Variants in CLN6 observed in about 807,000 individuals in gnomAD.
CLN6 encodes the protein ceroid-lipofuscinosis neuronal protein 6.
A neutral mutation model predicts 33.3 loss-of-function variants in CLN6; 22 were observed. That is an observed-to-expected ratio of 0.66 (90% confidence interval 0.47 to 0.94). CLN6 has a LOEUF of 0.94. Ranked by LOEUF, CLN6 falls within the 40% of genes least tolerant of loss-of-function variation. The pLI is 0.00. For missense variants in CLN6, 387 were observed against 417.1 expected, an observed-to-expected ratio of 0.93 and a Z score of 0.63; for synonymous variants, 201 against 174.6, an observed-to-expected ratio of 1.15 and a Z score of -1.19.
chr15:68,228,225 G>A lies in CLN6; in HGVS notation c.83+1277C>T, dbSNP rs2093257918. Among the ~76,000 whole-genome samples, 1 of 152,170 alleles carries A rather than the reference G, an allele frequency of 6.6e-6. No homozygotes were observed. Among genetic ancestry groups the A allele is most frequent in the Admixed American group, 6.5e-5 (1 of 15,276 alleles). On this transcript the variant is annotated intron_variant, in intron 1 of 6. Transcript: ENST00000249806. The surrounding 1 kb of genome is among the most constrained non-coding windows in gnomAD (Gnocchi z 4.4). ...CCCGCATGTCCGCAGCAGCAGAAACGAGCCATCCCTCACCTCAGCCCAAGC... is the reference window on the plus strand; with the variant it reads ...CCCGCATGTCCGCAGCAGCAGAAACAAGCCATCCCTCACCTCAGCCCAAGC...
rs760292374 is a variant in CLN6 at position 68,211,886 on chromosome 15, C to G, written c.298-23G>C. ...GAGCTGGGGTTCAGAGTGGGGTTGG[C>G]AGCATGACCCCACCTCTGTCACAGT... On this transcript the variant is annotated intron_variant, in intron 3 of 6. Coordinates refer to ENST00000249806, the MANE Select transcript of CLN6 (RefSeq NM_017882.3). The surrounding 1 kb of genome is among the most constrained non-coding windows in gnomAD (Gnocchi z 5.9). 1 of 1,610,728 alleles carries G rather than the reference C, an allele frequency of 6.2e-7. No individual in the cohort carries two copies. Among genetic ancestry groups the G allele is most frequent in the Non-Finnish European group, 8.5e-7 (1 of 1,178,510 alleles).
At chr15:68,253,653 A>T (rs1474034625) in intron 1 of CLN6, among the ~76,000 whole-genome samples, 1 of 152,276 alleles carries the variant, frequency 6.6e-6, no homozygotes, top group Admixed American at 6.5e-5. Flanking sequence ...TGCAATAGTC[A>T]TCAAAATCAC....
chr15:68,235,138 G>A (rs1892206332), intron 1 of CLN6, among the ~76,000 whole-genome samples: 1 of 152,172 alleles, frequency 6.6e-6, no homozygotes, highest in Admixed American at 6.6e-5. Flanking sequence ...AATCCTCACA[G>A]TAGCCCTAAG....
Position 68,208,171 on chromosome 15 carries a change from A to T in CLN6, c.905T>A (p.Phe302Tyr). 1 of 1,501,160 alleles carries T rather than the reference A, an allele frequency of 6.7e-7. No homozygotes were observed. 93.0% of individuals were successfully genotyped at this position (1,501,160 alleles called of 1,614,324 possible). ...CCGACTGCTGACGTGAAGGGTGTAG[A>T]AAGCCCAGGGCTCAGGGACGTAGAT... ...GVIYVPEPWA[F>Y]YTLHVSSRH The change falls in exon 7 of 7, where the codon TTC (phenylalanine) becomes TAC (tyrosine). Residue 302 changes from phenylalanine (F) to tyrosine (Y), a missense_variant. Transcript: ENST00000249806. The surrounding 1 kb of genome is among the most constrained non-coding windows in gnomAD (Gnocchi z 5.8).
At chr15:68,232,871 G>C (rs2093270244), upstream of CLN6, among the ~76,000 whole-genome samples, 1 of 152,082 alleles carries the variant, frequency 6.6e-6, no homozygotes, top group East Asian at 1.9e-4. This position sits in a 1 kb window ranked among gnomAD's most constrained non-coding sequence, Gnocchi z 4.7. Context: ...GTGAAACCCT[G>C]TCTCTACTAA....
Position 68,234,743 on chromosome 15 carries a change from G to A in CLN6, c.180-16093C>T, listed in dbSNP as rs536087991. Among the ~76,000 whole-genome samples, 71 of 152,268 alleles carry A rather than the reference G, an allele frequency of 4.7e-4. No homozygotes were observed. Among genetic ancestry groups the A allele is most frequent in the African/African-American group, 1.5e-3 (64 of 41,574 alleles). On this transcript the variant is annotated intron_variant, in intron 1 of 6. Coordinates refer to the CLN6 transcript ENST00000538696. This position sits in a 1 kb window ranked among gnomAD's most constrained non-coding sequence, Gnocchi z 4.1. ...TCTTAACAGTTGACAAAGGCCGGGCGCGGTGGCTCACGCATGTAATCCCAG... is the reference window on the plus strand; with the variant it reads ...TCTTAACAGTTGACAAAGGCCGGGCACGGTGGCTCACGCATGTAATCCCAG...
chr15:68,231,843 C>T (rs751171639), upstream of CLN6, among the ~76,000 whole-genome samples: 4 of 152,216 alleles, frequency 2.6e-5, no homozygotes, highest in Non-Finnish European at 5.9e-5. Flanking sequence ...TTATCAGCCC[C>T]CTCTCTTTCC....
chr15:68,229,458 C>T (rs1337779154), intron 1 of CLN6, 44 bp downstream of exon 1: 4 of 1,401,610 alleles, frequency 2.9e-6, no homozygotes, highest in Non-Finnish European at 3.8e-6. Flanking sequence ...GAGGCCCCAG[C>T]GCACAGGCGC....
intron 1 of CLN6, among the ~76,000 whole-genome samples, chr15:68,255,309 C>A (rs961135511): frequency 1.1e-3 from 13 of 11,930 alleles, no homozygotes; most frequent in African/African-American, 1.1e-3. Context: ...TGGACCTGAC[C>A]CCCCCCAATA....
At chr15:68,250,704 C>T (rs1892370944) in intron 1 of CLN6, among the ~76,000 whole-genome samples, 1 of 151,464 alleles carries the variant, frequency 6.6e-6, no homozygotes, top group Admixed American at 6.6e-5. Flanking sequence ...CAAATGATAC[C>T]AAACATCATA....
In CLN6 at chr15:68,246,010, A is replaced by G. The variant is rs1892326424; in HGVS notation, c.179+10680T>C. Among the ~76,000 whole-genome samples, 1 of 152,212 alleles carries G rather than the reference A, an allele frequency of 6.6e-6. No homozygotes were observed. The highest frequency in any genetic ancestry group is 1.5e-5 in the Non-Finnish European group (1 of 68,046). On this transcript the variant is annotated intron_variant, in intron 1 of 6. Transcript: ENST00000538696. The surrounding 1 kb of genome is among the most constrained non-coding windows in gnomAD (Gnocchi z 4.5). ...ATGATAAAGGGGTCAGTTTAGCAAG[A>G]GGATATAACAATTATAAGTATCTAT...
intron 1 of CLN6, among the ~76,000 whole-genome samples, chr15:68,235,872 C>G (rs1229722263): frequency 6.6e-6 from 1 of 152,032 alleles, no homozygotes; most frequent in Non-Finnish European, 1.5e-5. Flanking sequence ...GGGAATATAG[C>G]AATGAATGAA....
chr15:68,253,159 A>G (rs1892396612), intron 1 of CLN6, among the ~76,000 whole-genome samples: 1 of 152,246 alleles, frequency 6.6e-6, no homozygotes, highest in South Asian at 2.1e-4. Flanking sequence ...AGGCTGGTGT[A>G]AATGGACATG....
At chr15:68,229,464 G>C (rs2093262143) in intron 1 of CLN6, 38 bp downstream of exon 1, 3 of 1,430,626 alleles carry the variant, frequency 2.1e-6, no homozygotes, top group Non-Finnish European at 2.8e-6. Flanking sequence ...CCAGCGCACA[G>C]GCGCCTAGCC....
chr15:68,227,022 CTTTCT>C lies in CLN6; in HGVS notation c.83+2475_83+2479del, dbSNP rs541198877. On this transcript the variant is annotated intron_variant, in intron 1 of 6. Coordinates refer to ENST00000249806, the MANE Select transcript of CLN6 (RefSeq NM_017882.3). This position sits in a 1 kb window ranked among gnomAD's most constrained non-coding sequence, Gnocchi z 4.1. The stretch of plus-strand genomic sequence containing the variant: ...TTTATCACGGGCACTAATTATAATA[CTTTCT>C]TTTCTTTTCTTTTTTTACTTTTTTT... Among the ~76,000 whole-genome samples the C allele has an allele frequency of 2.0e-3, 309 of 151,648 alleles. 2 individuals are homozygous for C. Among genetic ancestry groups the C allele is most frequent in the African/African-American group, 6.4e-3 (267 of 41,398 alleles).
chr15:68,254,437 G>C, intron 1 of CLN6: 1 of 278,672 alleles, frequency 3.6e-6, no homozygotes, highest in South Asian at 3.9e-5. Flanking sequence ...AAGATGTGCT[G>C]TAAGTATGAA....
At position 68,208,206 on chromosome 15, in the gene CLN6, G is replaced by A. The variant is rs774291260; in HGVS notation, c.870C>T (p.Tyr290=). 32 of 1,613,514 alleles carry A rather than the reference G, an allele frequency of 2.0e-5. 1 individual carries two copies. The highest frequency in any genetic ancestry group is 1.0e-5 in the Non-Finnish European group (12 of 1,179,884). Residue 290 remains tyrosine (Y), a synonymous_variant, in exon 7 of 7, where the codon TAC becomes TAT. Coordinates refer to ENST00000249806, the MANE Select transcript of CLN6 (RefSeq NM_017882.3). This position sits in a 1 kb window ranked among gnomAD's most constrained non-coding sequence, Gnocchi z 5.8. ...GCTCAGGGACGTAGATGACACCCGG[G>A]TACTTCTTCCTGAGAACAGGGTCAT... ...LWNDPVLRKK[Y]PGVIYVPEPW...
chr15:68,218,709 C>T, intron 1 of CLN6, 59 bp from the exon 2 acceptor site: 1 of 1,294,262 alleles, frequency 7.7e-7, no homozygotes, highest in Non-Finnish European at 1.1e-6. Context: ...CAAAATCTTC[C>T]CCTGAGATTA....
chr15:68,250,615 ACT>A, intron 1 of CLN6, among the ~76,000 whole-genome samples: 1 of 140,280 alleles, frequency 7.1e-6, no homozygotes. Flanking sequence ...ACAGAGCGAG[ACT>A]CTGTCTCAAA....
Sources: allele counts gnomAD v4.1 joint callset (sites outside exome capture counted in the v4.1 genomes callset), GRCh38; gene constraint gnomAD v4.1.1; non-coding constraint Gnocchi (gnomAD v3.1); transcripts MANE v1.5; gene names NCBI Gene and HGNC (gene_info 2026-07-23, HGNC 2026-07-21).